The following SGTA variants were observed in gnomAD, a reference collection of about 807,000 sequenced individuals.
The protein encoded by SGTA is small glutamine-rich tetratricopeptide repeat-containing protein alpha.
A neutral mutation model predicts 44.3 loss-of-function variants in SGTA; 22 were observed. That is an observed-to-expected ratio of 0.50 (90% confidence interval 0.36 to 0.71). The LOEUF is 0.71. SGTA is among the 30% of genes least tolerant of loss of function. The pLI is 0.00. For missense variants in SGTA, 341 were observed against 435.9 expected (o/e 0.78, Z 1.94); for synonymous variants, 174 against 177.6 (o/e 0.98, Z 0.16).
Position 2,762,766 on chromosome 19 carries a change from C to A in SGTA, c.498-122G>T, listed in dbSNP as rs1915035958. Reference sequence around the variant, plus strand: ...CCACCTCGGATGGTGCCACCCCCTGCCCGCTGTCAGCTCAGTGGAGACAAA... The same window carrying A: ...CCACCTCGGATGGTGCCACCCCCTGACCGCTGTCAGCTCAGTGGAGACAAA... On this transcript the variant is annotated intron_variant, in intron 6 of 11. Coordinates refer to ENST00000221566, the MANE Select transcript of SGTA (RefSeq NM_003021.4). The A allele has an allele frequency of 2.6e-6, 3 of 1,167,040 alleles. No homozygotes were observed. In the Admixed American group the frequency reaches 5.9e-5, roughly 23 times the overall value. 72.3% of individuals were successfully genotyped at this position (1,167,040 alleles called of 1,614,324 possible). A position where few individuals can be genotyped will look rare whatever the true frequency, so the allele number is the denominator to read the frequency against.
At position 2,757,402 on chromosome 19, in the gene SGTA, G is replaced by T. The variant is rs749327614; in HGVS notation, c.883C>A (p.Leu295Ile). 4 of 1,608,510 alleles carry T rather than the reference G, an allele frequency of 2.5e-6. No individual in the cohort carries two copies. In the East Asian group the frequency reaches 8.9e-5, roughly 36 times the overall value. Residue 295 changes from leucine to isoleucine, a missense_variant, in exon 11 of 12, where the codon CTC becomes ATC. Coordinates refer to ENST00000221566, the MANE Select transcript of SGTA (RefSeq NM_003021.4). ...QQQNPELIEQ[L>I]RSQIRSRTPS... ...GTCCGACTCCGGATCTGGCTCCTGA[G>T]CTGCTCTATCAACTCTGGGTTCTGC...
intron 10 of SGTA, 77 bp downstream of exon 10, chr19:2,757,616 C>T: frequency 6.9e-7 from 1 of 1,449,792 alleles, no homozygotes; most frequent in East Asian, 2.5e-5. Context: ...AGCACTTTCG[C>T]TCTCCTCCTT....
In SGTA at chr19:2,755,478, C is replaced by T. The variant is rs765874252; in HGVS notation, c.*462G>A. ...CGAGCAGGCACAGGGCCGGGGTGGC[C>T]GGGAGGTCGACTCGGAAAGAGGCTT... On this transcript the variant is annotated 3_prime_UTR_variant, in exon 12 of 12. Coordinates refer to ENST00000221566, the MANE Select transcript of SGTA (RefSeq NM_003021.4). This position sits in a 1 kb window ranked among gnomAD's most constrained non-coding sequence, Gnocchi z 5.2. 84 of 987,446 alleles carry T rather than the reference C, an allele frequency of 8.5e-5. No homozygotes were observed. Among genetic ancestry groups the T allele is most frequent in the Middle Eastern group, 3.0e-4 (1 of 3,310 alleles). The allele number at this position is 987,446 out of a possible 1,614,324, so 61.2% of individuals were successfully genotyped here. A position where few individuals can be genotyped will look rare whatever the true frequency, so the allele number is the denominator to read the frequency against.
In SGTA at chr19:2,768,991, GGAC is replaced by G. The variant is rs763773553; in HGVS notation, c.75_77del (p.Ser26del). The G allele has an allele frequency of 3.0e-5, 49 of 1,613,620 alleles. No homozygotes were observed. The highest frequency in any genetic ancestry group is 7.6e-6 in the Non-Finnish European group (9 of 1,179,834). ...TACCTTCCAAGCTCTCCTGAGCATC[GGAC>G]GAGAGGCCCCCGTGCCGGAGCTGGT... is the stretch of plus-strand genomic sequence containing the variant. On this transcript the variant is annotated inframe_deletion, in exon 2 of 12. Transcript: ENST00000221566.
intron 1 of SGTA, among the ~76,000 whole-genome samples, chr19:2,776,962 CAA>C (rs200520057): frequency 7.1e-6 from 1 of 141,372 alleles, no homozygotes; most frequent in Non-Finnish European, 1.5e-5. Context: ...AACTCCGTCT[CAA>C]AAAAAAAAGA....
chr19:2,761,431 A>G lies in SGTA; in HGVS notation c.699+29T>C, dbSNP rs372143021. The G allele has an allele frequency of 7.1e-6, 11 of 1,546,220 alleles. No homozygotes were observed. The highest frequency in any genetic ancestry group is 2.0e-5 in the Admixed American group (1 of 50,988). On this transcript the variant is annotated intron_variant, in intron 8 of 11. Coordinates refer to ENST00000221566, the MANE Select transcript of SGTA (RefSeq NM_003021.4). This position sits in a 1 kb window ranked among gnomAD's most constrained non-coding sequence, Gnocchi z 5.7. Reference sequence around the variant, plus strand: ...GGGCCTGGGGGGTGGCGCAGACACCATGGACAGGGAGGAGGGGCGGGCCGT... The same window carrying G: ...GGGCCTGGGGGGTGGCGCAGACACCGTGGACAGGGAGGAGGGGCGGGCCGT...
chr19:2,762,168 C>T (rs1362670017), intron 7 of SGTA, among the ~76,000 whole-genome samples: 2 of 152,176 alleles, frequency 1.3e-5, no homozygotes, highest in Non-Finnish European at 2.9e-5. Context: ...CCAGGGGCAG[C>T]CCCCAGGCCT....
intron 11 of SGTA, among the ~76,000 whole-genome samples, chr19:2,756,737 G>C (rs1914828694): frequency 6.6e-6 from 1 of 152,004 alleles, no homozygotes; most frequent in Admixed American, 6.5e-5. Context: ...GGACAGGACT[G>C]AACTCAGGGG....
intron 1 of SGTA, among the ~76,000 whole-genome samples, chr19:2,769,805 C>G (rs1456360804): frequency 1.4e-5 from 2 of 146,590 alleles, no homozygotes; most frequent in African/African-American, 5.1e-5. Context: ...CTGGTTCCCC[C>G]ACCTGACACC....
At chr19:2,777,375 G>A (rs1163031597) in intron 1 of SGTA, 1 of 150,346 alleles carries the variant, frequency 6.7e-6, no homozygotes, top group Middle Eastern at 3.2e-3. Flanking sequence ...AACATAGGGA[G>A]ACCCCATCTC....
At chr19:2,772,425 G>A (rs1915334763) in intron 1 of SGTA, among the ~76,000 whole-genome samples, 1 of 152,222 alleles carries the variant, frequency 6.6e-6, no homozygotes, top group Non-Finnish European at 1.5e-5. Context: ...TCCTCCTTCT[G>A]AGCCAGCACA....
At chr19:2,756,777 G>A (rs1185048498) in intron 11 of SGTA, among the ~76,000 whole-genome samples, 2 of 152,196 alleles carry the variant, frequency 1.3e-5, no homozygotes, top group Admixed American at 6.5e-5. Context: ...AGCCAGCCAC[G>A]GGCCCCTGGA....
At position 2,768,961 on chromosome 19, in the gene SGTA, CCACCTA is replaced by C; in HGVS notation, c.100+2_100+7del. On this transcript the variant is annotated splice_donor_variant and splice_donor_5th_base_variant and intron_variant, in intron 2 of 11. Coordinates refer to ENST00000221566, the MANE Select transcript of SGTA (RefSeq NM_003021.4). LOFTEE classifies it high-confidence loss of function. Reference sequence around the variant, plus strand: ...GGGGAGAGGGGGAAGTGGCAGGCACCCACCTACCTTCCAAGCTCTCCTGAGCATCGG... The same window carrying C: ...GGGGAGAGGGGGAAGTGGCAGGCACCCCTTCCAAGCTCTCCTGAGCATCGG... The C allele has an allele frequency of 6.2e-7, 1 of 1,604,716 alleles. No homozygotes were observed. Among genetic ancestry groups the C allele is most frequent in the Non-Finnish European group, 8.5e-7 (1 of 1,172,080 alleles).
In SGTA at chr19:2,763,335, C is replaced by A. The variant is rs1328849746; in HGVS notation, c.497+318G>T. ...TGTGTCCTTCATCATAAACCAGGTG[C>A]TTCCCTGAGCTCTGTGAGCCGCCCC... is the stretch of plus-strand genomic sequence containing the variant. On this transcript the variant is annotated intron_variant, in intron 6 of 11. Transcript: ENST00000221566. This position sits in a 1 kb window ranked among gnomAD's most constrained non-coding sequence, Gnocchi z 5.8. Among the ~76,000 whole-genome samples the A allele has an allele frequency of 6.6e-6, 1 of 152,214 alleles. No homozygotes were observed. The highest frequency in any genetic ancestry group is 2.4e-5 in the African/African-American group (1 of 41,460).
intron 8 of SGTA, 30 bp from the exon 9 acceptor site, chr19:2,759,324 A>C: frequency 6.2e-7 from 1 of 1,608,368 alleles, no homozygotes; most frequent in Non-Finnish European, 8.5e-7. Context: ...TGTCAGGAAG[A>C]CAAAGCTCCC....
At chr19:2,773,836 T>C (rs201867320) in intron 1 of SGTA, among the ~76,000 whole-genome samples, 2 of 66,384 alleles carry the variant, frequency 3.0e-5, no homozygotes, top group African/African-American at 2.2e-4. Flanking sequence ...CAGAGGTGGG[T>C]GACGCGGCCA....
intron 1 of SGTA, among the ~76,000 whole-genome samples, chr19:2,774,106 G>C (rs56000942): frequency 0.24 from 36,190 of 152,124 alleles, 4,634 homozygotes; most frequent in East Asian, 0.51. Context: ...ACTGAGAGAC[G>C]ATGAACTCTG....
At position 2,755,940 on chromosome 19, in the gene SGTA, G is replaced by A. The variant is rs1914809439; in HGVS notation, c.*7-7C>T. On this transcript the variant is annotated splice_polypyrimidine_tract_variant and splice_region_variant and intron_variant, in intron 11 of 11. Coordinates refer to ENST00000221566, the MANE Select transcript of SGTA (RefSeq NM_003021.4). This position sits in a 1 kb window ranked among gnomAD's most constrained non-coding sequence, Gnocchi z 5.2. The stretch of plus-strand genomic sequence containing the variant: ...GCGGTCACACCGGGAGCAGCTGGAA[G>A]GGGACAGACATGAAGGCTGTCAGAG... 3.0e-6 allele frequency: 3 copies of A among 985,950 alleles called. No individual in the cohort carries two copies. The highest frequency in any genetic ancestry group is 3.6e-6 in the Non-Finnish European group (3 of 830,228). The allele number at this position is 985,950 out of a possible 1,614,324, so 61.1% of individuals were successfully genotyped here. A position where few individuals can be genotyped will look rare whatever the true frequency, so the allele number is the denominator to read the frequency against.
chr19:2,766,751 A>T (rs1599501534), intron 4 of SGTA, among the ~76,000 whole-genome samples: 2 of 149,544 alleles, frequency 1.3e-5, no homozygotes, highest in South Asian at 4.2e-4. Flanking sequence ...TTGCTTTTTG[A>T]CTCTTGTGAA....
Sources: gnomAD v4.1 joint callset for allele counts (sites outside exome capture counted in the v4.1 genomes callset) on GRCh38, gnomAD v4.1.1 for gene constraint, Gnocchi (gnomAD v3.1) non-coding constraint, MANE v1.5 for transcripts, NCBI Gene and HGNC (gene_info 2026-07-23, HGNC 2026-07-21) for gene names.